The following U2SURP variants were observed in gnomAD, a reference collection of about 807,000 sequenced individuals.
U2SURP encodes U2 snRNP associated SURP domain containing, also known as U2 snRNP-associated SURP motif-containing protein.
U2SURP carries 9 observed loss-of-function variants against 144.9 expected under a neutral mutation model. The ratio of observed to expected loss-of-function variants is 0.06; its 90% confidence interval spans 0.04 to 0.11. The LOEUF (loss-of-function observed/expected upper bound fraction) is 0.11. Ranked by LOEUF, U2SURP falls within the 10% of genes least tolerant of loss-of-function variation. U2SURP has a pLI of 1.00. For synonymous variants in U2SURP, 408 were observed against 396.8 expected (o/e 1.03, Z -0.33); for missense variants, 724 against 1,226.7 (o/e 0.59, Z 6.12).
rs1200792439 is a variant in U2SURP, at chr3:143,035,902, TTGA to T, written c.1942-75_1942-73del. 5.8e-5 allele frequency: 83 copies of T among 1,429,086 alleles called. 1 individual carries two copies. The highest frequency in any genetic ancestry group is 7.5e-5 in the Non-Finnish European group (81 of 1,084,542). 88.5% of individuals were successfully genotyped at this position (1,429,086 alleles called of 1,614,324 possible). A position where few individuals can be genotyped will look rare whatever the true frequency, so the allele number is the denominator to read the frequency against. On this transcript the variant is annotated intron_variant, in intron 19 of 27. Coordinates refer to ENST00000473835, the MANE Select transcript of U2SURP (RefSeq NM_001080415.2). Reference sequence around the variant, plus strand: ...AGTTTAAAGGCAAATTTAGCAAATCTTGATGATCATTCTCATGAACTGAAATTT... The same window carrying T: ...AGTTTAAAGGCAAATTTAGCAAATCTTGATCATTCTCATGAACTGAAATTT...
Position 143,027,375 on chromosome 3 carries a change from T to C in U2SURP, c.1379+122T>C, listed in dbSNP as rs559628827. 261 of 686,798 alleles carry C rather than the reference T, an allele frequency of 3.8e-4. 1 individual carries two copies. Among genetic ancestry groups the C allele is most frequent in the Non-Finnish European group, 5.6e-4 (243 of 431,246 alleles). 42.5% of individuals were successfully genotyped at this position (686,798 alleles called of 1,614,324 possible). A position where few individuals can be genotyped will look rare whatever the true frequency, so the allele number is the denominator to read the frequency against. ...CATTGTTGTACAACCATCACCACCA[T>C]CCATCTCCAGAACTTTTTTCATCTT... On this transcript the variant is annotated intron_variant, in intron 14 of 27. Transcript: ENST00000473835.
intron 24 of U2SURP, among the ~76,000 whole-genome samples, chr3:143,047,265 C>T (rs1191782102): frequency 1.5e-5 from 1 of 65,114 alleles, no homozygotes; most frequent in Non-Finnish European, 2.7e-5. Context: ...GCCGGCCTGG[C>T]GGGGGGCTGA....
intron 1 of U2SURP, among the ~76,000 whole-genome samples, chr3:143,003,487 G>T (rs1935644106): frequency 6.6e-6 from 1 of 151,998 alleles, no homozygotes; most frequent in Non-Finnish European, 1.5e-5. Flanking sequence ...TTGATATAAG[G>T]ATCAAATGAG....
intron 12 of U2SURP, 123 bp downstream of exon 12, chr3:143,023,187 A>G (rs1932932996): frequency 2.4e-6 from 2 of 831,344 alleles, no homozygotes; most frequent in Non-Finnish European, 3.7e-6. Flanking sequence ...TTTTAAAGAA[A>G]TAAGTAGATG....
chr3:143,053,940 AGCG>A (rs1290090733), intron 26 of U2SURP, 146 bp downstream of exon 26: 2 of 661,100 alleles, frequency 3.0e-6, no homozygotes, highest in East Asian at 5.7e-5. Context: ...AGGCAGAAAT[AGCG>A]GAGAAATGGG....
At chr3:143,030,811 C>T (rs751745121) in intron 16 of U2SURP, among the ~76,000 whole-genome samples, 7 of 151,774 alleles carry the variant, frequency 4.6e-5, no homozygotes, top group East Asian at 1.9e-4. Context: ...TATGGGAGGC[C>T]GAGGCAGGAG....
intron 8 of U2SURP, 31 bp downstream of exon 8, chr3:143,020,724 T>G: frequency 6.5e-7 from 1 of 1,528,378 alleles, no homozygotes; most frequent in Non-Finnish European, 9.0e-7. Context: ...TGTGTATGCT[T>G]GTGATTAATT....
intron 1 of U2SURP, among the ~76,000 whole-genome samples, chr3:143,002,823 A>G (rs542074166): frequency 1.5e-4 from 23 of 152,338 alleles, no homozygotes; most frequent in Non-Finnish European, 3.1e-4. Context: ...CTTAACAGAC[A>G]TCGTTTAGTT....
Position 143,060,707 on chromosome 3 carries a change from T to A in U2SURP, c.*4257T>A, listed in dbSNP as rs1935334223. 6.6e-6 allele frequency among the ~76,000 whole-genome samples: 1 copy of A among 152,030 alleles called. No individual in the cohort carries two copies. The highest frequency in any genetic ancestry group is 2.4e-5 in the African/African-American group (1 of 41,462). ...TTTACATGTTTAAACTATAATCATA[T>A]GTTTTCATGCTAGATGGTTCTCTTG... On this transcript the variant is annotated 3_prime_UTR_variant, in exon 28 of 28. Coordinates refer to ENST00000473835, the MANE Select transcript of U2SURP (RefSeq NM_001080415.2).
chr3:143,034,908 A>C lies in U2SURP; in HGVS notation c.1874A>C (p.Gln625Pro), dbSNP rs752402876. Residue 625 changes from glutamine to proline, a missense_variant, in exon 19 of 28, where the codon CAG becomes CCG. Gln to Pro is a moderately conservative substitution (Grantham distance 76). Transcript: ENST00000473835. ...TTCAGTTTTGAAACAAAGTTATGTC[A>C]GATATTTTCAGACCTCAATGCCACC... ...YRKFFETKLC[Q>P]IFSDLNATYR... is the part of the protein sequence containing the mutation. The C allele has an allele frequency of 6.2e-7, 1 of 1,602,098 alleles. No homozygotes were observed. The highest frequency in any genetic ancestry group is 1.1e-5 in the South Asian group (1 of 89,314).
At chr3:143,036,314 T>C (rs1256826454) in intron 20 of U2SURP, among the ~76,000 whole-genome samples, 1 of 152,170 alleles carries the variant, frequency 6.6e-6, no homozygotes, top group African/African-American at 2.4e-5. Context: ...ATGTGAAAAT[T>C]GGTGAGTGTT....
At chr3:143,032,735 A>G in intron 16 of U2SURP, 49 bp from the exon 17 acceptor site, 1 of 1,512,704 alleles carries the variant, frequency 6.6e-7, no homozygotes. Flanking sequence ...CTACAATGGC[A>G]TTTGAAATTG....
rs765060815 is a variant in U2SURP at position 143,001,642 on chromosome 3, C to T, written c.14C>T (p.Thr5Met). The change falls in exon 1 of 28, where the codon ACG becomes ATG. Residue 5 changes from threonine (T) to methionine (M), a missense_variant. Thr to Met is a moderately conservative substitution (Grantham distance 81, BLOSUM62 -1). Around this residue, in one of 13 missense-constraint regions of U2SURP, gnomAD observed 127 missense variants for 98.2 expected, o/e 1.29. Coordinates refer to ENST00000473835, the MANE Select transcript of U2SURP (RefSeq NM_001080415.2). ...GCAAAGCTCAAGATGGCGGACAAAACGCCAGGCGGATCTCAGAAGGCCAGT... is the reference window on the plus strand; with the variant it reads ...GCAAAGCTCAAGATGGCGGACAAAATGCCAGGCGGATCTCAGAAGGCCAGT... MADK[T>M]PGGSQKASSK... The T allele has an allele frequency of 6.2e-7, 1 of 1,614,040 alleles. No homozygotes were observed.
In U2SURP at chr3:143,022,395, T is replaced by C. The variant is rs1578131232; in HGVS notation, c.853-102T>C. On this transcript the variant is annotated intron_variant, in intron 10 of 27. Coordinates refer to ENST00000473835, the MANE Select transcript of U2SURP (RefSeq NM_001080415.2). ...ACTTAAATGGAAAATTGAAGCACGT[T>C]GCTATGTTGCTTTTTATTTTGTAAA... 1.1e-5 allele frequency: 13 copies of C among 1,133,826 alleles called. No homozygotes were observed. In the East Asian group the frequency reaches 2.8e-4, roughly 24 times the overall value. The allele number at this position is 1,133,826 out of a possible 1,614,324, so 70.2% of individuals were successfully genotyped here.
At chr3:143,020,106 A>ATTCTTTATACTTGC in intron 7 of U2SURP, 70 bp downstream of exon 7, 2 of 969,936 alleles carry the variant, frequency 2.1e-6, no homozygotes, top group Non-Finnish European at 2.9e-6. Flanking sequence ...ATGCAAGTAT[A>ATTCTTTATACTTGC]AAGAATATAC....
chr3:143,033,455 A>T, intron 18 of U2SURP, 105 bp downstream of exon 18: 1 of 612,230 alleles, frequency 1.6e-6, no homozygotes, highest in South Asian at 2.1e-5. Flanking sequence ...TAAGAAGTAC[A>T]GTCAGCCCTC....
intron 1 of U2SURP, among the ~76,000 whole-genome samples, chr3:143,009,521 C>T (rs751136719): frequency 6.6e-6 from 1 of 151,916 alleles, no homozygotes; most frequent in African/African-American, 2.4e-5. Context: ...TTACTGGAAC[C>T]CGGGAGGCGG....
At chr3:143,052,000 A>G (rs897501372) in intron 25 of U2SURP, among the ~76,000 whole-genome samples, 1 of 152,210 alleles carries the variant, frequency 6.6e-6, no homozygotes, top group Non-Finnish European at 1.5e-5. Flanking sequence ...AATGCATCCT[A>G]CAGATCACCA....
intron 3 of U2SURP, among the ~76,000 whole-genome samples, chr3:143,013,466 T>G (rs1039795481): frequency 1.3e-5 from 2 of 152,102 alleles, no homozygotes; most frequent in Non-Finnish European, 2.9e-5. Flanking sequence ...GCAAGCCTAT[T>G]TAATGACTAG....
Sources: gnomAD v4.1 joint callset for allele counts (sites outside exome capture counted in the v4.1 genomes callset) on GRCh38, gnomAD v4.1.1 for gene constraint, gnomAD v4.1.1 regional missense constraint, MANE v1.5 for transcripts, NCBI Gene and HGNC (gene_info 2026-07-23, HGNC 2026-07-21) for gene names.